EXOC4: variants seen among roughly 807,000 people sequenced by gnomAD.
EXOC4 encodes SEC8-like 1.
In EXOC4, 71 loss-of-function variants were observed where a neutral mutation model predicts 107.2. That is an observed-to-expected ratio of 0.66 (90% CI 0.55 to 0.81). EXOC4 has a LOEUF of 0.81. EXOC4 is among the 30% of genes least tolerant of loss of function. The probability of loss-of-function intolerance (pLI) is 0.00; values close to 1 mark genes in which losing one functional copy is unlikely to be tolerated. For synonymous variants in EXOC4, 456 were observed against 441.2 expected (o/e 1.03, Z -0.42); for missense variants, 1,108 against 1,189.6 (o/e 0.93, Z 1.01).
chr7:133,378,436 C>T (rs1158955246), intron 7 of EXOC4, among the ~76,000 whole-genome samples: 9 of 150,684 alleles, frequency 6.0e-5, no homozygotes, highest in African/African-American at 7.3e-5. Context: ...AAATGCTTTT[C>T]CCCCCCACAT....
At chr7:134,059,113 C>G (rs1795996423) in intron 17 of EXOC4, among the ~76,000 whole-genome samples, 1 of 152,136 alleles carries the variant, frequency 6.6e-6, no homozygotes, top group Non-Finnish European at 1.5e-5. Flanking sequence ...TTGGACAGTT[C>G]CCCAGTCAGG....
chr7:133,364,927 T>G (rs1196310435), intron 6 of EXOC4, among the ~76,000 whole-genome samples: 1 of 152,168 alleles, frequency 6.6e-6, no homozygotes, highest in Non-Finnish European at 1.5e-5. Context: ...CATGTAAGTT[T>G]GCTTTCTGGC....
At chr7:133,551,498 A>G (rs563618731) in intron 9 of EXOC4, 1 of 152,256 alleles carries the variant, frequency 6.6e-6, no homozygotes, top group Admixed American at 6.5e-5. Flanking sequence ...GAGAAACGTA[A>G]CTGCCGTGCA....
chr7:133,869,160 C>G (rs1798702413), intron 11 of EXOC4, among the ~76,000 whole-genome samples: 1 of 152,030 alleles, frequency 6.6e-6, no homozygotes, highest in South Asian at 2.1e-4. Flanking sequence ...ATATATACCT[C>G]CTGTGGGCAG....
chr7:133,597,760 C>T (rs548297984), intron 9 of EXOC4, among the ~76,000 whole-genome samples: 1 of 152,162 alleles, frequency 6.6e-6, no homozygotes, highest in South Asian at 2.1e-4. Flanking sequence ...CCTGTAATCC[C>T]AGCACTTTGG....
chr7:133,576,256 G>C (rs1801124326), intron 9 of EXOC4, among the ~76,000 whole-genome samples: 1 of 152,046 alleles, frequency 6.6e-6, no homozygotes. Flanking sequence ...TTACAGACTT[G>C]TTAAAAGATT....
At chr7:133,479,254 T>C (rs899772363) in intron 8 of EXOC4, 3 of 152,194 alleles carry the variant, frequency 2.0e-5, no homozygotes, top group Non-Finnish European at 2.9e-5. Flanking sequence ...TTTTTTTTCT[T>C]ACTTGCACGT....
At chr7:133,888,293 G>C (rs1291599174) in intron 11 of EXOC4, among the ~76,000 whole-genome samples, 5 of 152,094 alleles carry the variant, frequency 3.3e-5, no homozygotes, top group Non-Finnish European at 7.4e-5. Context: ...TAATAAAAAT[G>C]CCTTTGATTT....
rs866683041 is a variant in EXOC4 at position 133,976,335 on chromosome 7, A to T, written c.2207-21157A>T. ...TAAGGATAAGACAAGTTGTGATAAG[A>T]AACAGCTGTGAGGAAAGCGTCAGAT... On this transcript the variant is annotated intron_variant, in intron 14 of 17. Coordinates refer to ENST00000253861, the MANE Select transcript of EXOC4 (RefSeq NM_021807.4). 1.3e-4 allele frequency among the ~76,000 whole-genome samples: 20 copies of T among 152,340 alleles called. No individual in the cohort carries two copies. The South Asian group carries it at 1.9e-3, about 14-fold the overall frequency.
intron 3 of EXOC4, among the ~76,000 whole-genome samples, chr7:133,295,825 A>T (rs1014749853): frequency 6.6e-6 from 1 of 152,156 alleles, no homozygotes; most frequent in Non-Finnish European, 1.5e-5. Context: ...ATCTGGCTTG[A>T]AAGTTTCTGA....
intron 9 of EXOC4, among the ~76,000 whole-genome samples, chr7:133,516,772 T>TTTTTTTTTTTTTTTTTTTTC (rs71188898): frequency 1.4e-5 from 2 of 146,214 alleles, no homozygotes; most frequent in African/African-American, 2.5e-5. Context: ...TTTTTTTTTT[T>TTTTTTTTTTTTTTTTTTTTC]ACAGAATTTA....
chr7:133,277,450 G>C, intron 2 of EXOC4, among the ~76,000 whole-genome samples: 1 of 152,192 alleles, frequency 6.6e-6, no homozygotes, highest in East Asian at 1.9e-4. Context: ...AGTGATTTCT[G>C]CTTTGCTTCC....
intron 14 of EXOC4, among the ~76,000 whole-genome samples, chr7:133,961,281 T>TTTTC: frequency 3.7e-5 from 1 of 26,968 alleles, no homozygotes; most frequent in Non-Finnish European, 6.4e-5. Context: ...CATGTCAAAC[T>TTTTC]TTTTTTTTTT....
chr7:133,663,120 A>G (rs1793735082), intron 10 of EXOC4, among the ~76,000 whole-genome samples: 1 of 152,152 alleles, frequency 6.6e-6, no homozygotes. Flanking sequence ...GTGACCAGCT[A>G]TTCTGACTTG....
intron 10 of EXOC4, among the ~76,000 whole-genome samples, chr7:133,760,860 T>C (rs548087903): frequency 4.7e-4 from 72 of 152,178 alleles, no homozygotes; most frequent in African/African-American, 1.7e-3. Flanking sequence ...GCTTAGGAAA[T>C]GCTCTTATTT....
In EXOC4 at chr7:133,288,979, C is replaced by T. The variant is rs2092145803; in HGVS notation, c.334C>T (p.Arg112Trp). The change falls in exon 3 of 18, where the codon CGG becomes TGG. Residue 112 changes from arginine (R) to tryptophan (W), a missense_variant. By Grantham distance (101) the Arg-to-Trp change is moderately radical. Transcript: ENST00000253861. ...GCTGCACTGCAAACGGGATGAGCTT[C>T]GGAAACTGTGGATTGAAGGAATTGA... ...MLLHCKRDEL[R>W]KLWIEGIEHK... The T allele has an allele frequency of 1.2e-6, 2 of 1,614,162 alleles. No individual in the cohort carries two copies. The highest frequency in any genetic ancestry group is 1.7e-6 in the Non-Finnish European group (2 of 1,179,996).
At chr7:133,957,408 G>T (rs1800842120) in intron 14 of EXOC4, among the ~76,000 whole-genome samples, 1 of 152,134 alleles carries the variant, frequency 6.6e-6, no homozygotes, top group Admixed American at 6.5e-5. Context: ...TAACTTTCAA[G>T]CACTTACTTT....
chr7:134,024,290 A>C (rs565051687), intron 17 of EXOC4, among the ~76,000 whole-genome samples: 2 of 152,242 alleles, frequency 1.3e-5, no homozygotes, highest in East Asian at 3.9e-4. Context: ...CTCTACTAAA[A>C]AATACAAAAA....
intron 9 of EXOC4, among the ~76,000 whole-genome samples, chr7:133,583,816 T>G (rs932235143): frequency 6.6e-6 from 1 of 152,098 alleles, no homozygotes; most frequent in Admixed American, 6.6e-5. Flanking sequence ...ATGATAAAGC[T>G]GATGATGGAT....
Sources: gnomAD v4.1 joint callset for allele counts (sites outside exome capture counted in the v4.1 genomes callset) on GRCh38, gnomAD v4.1.1 for gene constraint, MANE v1.5 for transcripts, NCBI Gene and HGNC (gene_info 2026-07-23, HGNC 2026-07-21) for gene names.